The following RBFOX1 variants were observed in gnomAD, a reference collection of about 807,000 sequenced individuals.
The protein encoded by RBFOX1 is RNA binding fox-1 homolog 1, also known as RNA binding protein fox-1 homolog 1.
A neutral mutation model predicts 57.7 loss-of-function variants in RBFOX1; 8 were observed. The ratio of observed to expected loss-of-function variants is 0.14; its 90% CI spans 0.08 to 0.25. RBFOX1 has a LOEUF of 0.25. RBFOX1 is among the 10% of genes least tolerant of loss of function. RBFOX1 has a pLI of 1.00. For missense variants in RBFOX1, 611 were observed against 548.5 expected (o/e 1.11, Z -1.14); for synonymous variants, 326 against 222.4 (o/e 1.47, Z -4.15).
In RBFOX1 at chr16:6,145,427, C is replaced by T. The variant is rs546429562; in HGVS notation, c.-127+125435C>T. Among the ~76,000 whole-genome samples the T allele has an allele frequency of 2.6e-5, 4 of 151,970 alleles. No individual in the cohort carries two copies. In the South Asian group the frequency reaches 8.3e-4, roughly 32 times the overall value. On this transcript the variant is annotated intron_variant, in intron 1 of 15. Coordinates refer to ENST00000550418, the MANE Select transcript of RBFOX1 (RefSeq NM_018723.4). ...TATATGTACCATATTTTCTTTATTC[C>T]ATCTGTCATTGATGGGCATTTAGGT...
intron 4 of RBFOX1, among the ~76,000 whole-genome samples, chr16:7,408,102 C>G (rs2098377805): frequency 6.6e-6 from 1 of 152,168 alleles, no homozygotes; most frequent in Non-Finnish European, 1.5e-5. Flanking sequence ...GGTTGATTAA[C>G]CAGAACACAA....
chr16:6,938,042 C>G (rs1025108481), intron 3 of RBFOX1, among the ~76,000 whole-genome samples: 12 of 151,348 alleles, frequency 7.9e-5, no homozygotes, highest in African/African-American at 2.9e-4. Context: ...GAAATGGGAG[C>G]TAATTGTGAT....
intron 2 of RBFOX1, among the ~76,000 whole-genome samples, chr16:6,591,362 G>A (rs772321307): frequency 7.1e-4 from 108 of 152,176 alleles, no homozygotes; most frequent in Non-Finnish European, 2.8e-4. Context: ...GCTGAGGCAT[G>A]AGAATCACTT....
chr16:6,707,441 A>G (rs920541677), intron 3 of RBFOX1, among the ~76,000 whole-genome samples: 1 of 151,658 alleles, frequency 6.6e-6, no homozygotes, highest in Non-Finnish European at 1.5e-5. Flanking sequence ...TACATGTGGG[A>G]AAATGCTAGT....
At chr16:6,727,688 A>T (rs1248552318) in intron 3 of RBFOX1, among the ~76,000 whole-genome samples, 2 of 152,080 alleles carry the variant, frequency 1.3e-5, no homozygotes, top group African/African-American at 4.8e-5. Flanking sequence ...CTACTTACAA[A>T]TGTCCCTGGT....
intron 3 of RBFOX1, among the ~76,000 whole-genome samples, chr16:6,995,575 C>T (rs1596399781): frequency 6.6e-6 from 1 of 152,032 alleles, no homozygotes; most frequent in Non-Finnish European, 1.5e-5. Context: ...GCATGGGCAA[C>T]ACACTGAAAC....
intron 2 of RBFOX1, among the ~76,000 whole-genome samples, chr16:6,328,284 G>C (rs998651790): frequency 6.6e-6 from 1 of 152,102 alleles, no homozygotes; most frequent in Non-Finnish European, 1.5e-5. Context: ...GAGGGGAAAG[G>C]GTGGGAGGGG....
At chr16:7,252,397 G>C (rs961591463) in intron 4 of RBFOX1, among the ~76,000 whole-genome samples, 4 of 152,250 alleles carry the variant, frequency 2.6e-5, no homozygotes, top group African/African-American at 9.6e-5. Context: ...GGCTGGGGCA[G>C]AGGTCTTCAA....
intron 3 of RBFOX1, among the ~76,000 whole-genome samples, chr16:5,613,944 T>A (rs2047922227): frequency 6.6e-6 from 1 of 151,574 alleles, no homozygotes; most frequent in South Asian, 2.1e-4. Context: ...TTTTTTATCC[T>A]GATGCTGCCT....
intron 1 of RBFOX1, among the ~76,000 whole-genome samples, chr16:6,153,339 A>G (rs1437338317): frequency 1.3e-5 from 2 of 152,198 alleles, no homozygotes; most frequent in South Asian, 2.1e-4. Context: ...AAACAAAACC[A>G]TTTTGAATAT....
chr16:5,574,369 C>T (rs1466495309), intron 2 of RBFOX1, among the ~76,000 whole-genome samples: 1 of 152,198 alleles, frequency 6.6e-6, no homozygotes, highest in African/African-American at 2.4e-5. Context: ...GCCCGCCTTG[C>T]CACATCTCAA....
At chr16:6,649,490 C>G (rs58319565) in intron 2 of RBFOX1, among the ~76,000 whole-genome samples, 1 of 152,140 alleles carries the variant, frequency 6.6e-6, no homozygotes, top group African/African-American at 2.4e-5. Flanking sequence ...CCGTACCCAA[C>G]GTGTAATCTT....
chr16:7,284,162 T>C (rs1555666757), intron 4 of RBFOX1, among the ~76,000 whole-genome samples: 1 of 152,258 alleles, frequency 6.6e-6, no homozygotes, highest in Non-Finnish European at 1.5e-5. Flanking sequence ...AGATGCACTA[T>C]AGTTTATTCA....
rs1261609047 is a variant in RBFOX1, at chr16:5,828,776, G to A, written c.319-38527G>A. 2.6e-5 allele frequency among the ~76,000 whole-genome samples: 4 copies of A among 152,192 alleles called. No individual in the cohort carries two copies. In the East Asian group the frequency reaches 7.7e-4, roughly 29 times the overall value. Reference sequence around the variant, plus strand: ...CAGCAGAGGGTGGAGTGTGTGGAGTGCTGGGCAAGGAAGAGTATGGTGTGC... The same window carrying A: ...CAGCAGAGGGTGGAGTGTGTGGAGTACTGGGCAAGGAAGAGTATGGTGTGC... On this transcript the variant is annotated intron_variant, in intron 3 of 19. Transcript: ENST00000641259.
chr16:6,781,912 T>C (rs2081082114), intron 3 of RBFOX1, among the ~76,000 whole-genome samples: 1 of 152,194 alleles, frequency 6.6e-6, no homozygotes, highest in African/African-American at 2.4e-5. Context: ...TGCTCTGATC[T>C]TTAGTGTTTC....
At chr16:6,275,310 C>CA (rs35445600) in intron 1 of RBFOX1, among the ~76,000 whole-genome samples, 2 of 147,930 alleles carry the variant, frequency 1.4e-5, no homozygotes, top group Admixed American at 1.3e-4. Flanking sequence ...GACTCCATCT[C>CA]AAAAAAAAAA....
chr16:6,365,118 A>C (rs1201750385), intron 2 of RBFOX1, among the ~76,000 whole-genome samples: 1 of 152,172 alleles, frequency 6.6e-6, no homozygotes, highest in Non-Finnish European at 1.5e-5. Flanking sequence ...TGATAAAATT[A>C]GCTTTCCTCT....
rs565153324 is a variant in RBFOX1, at chr16:5,717,545, C to A, written c.318+118584C>A. 1.8e-4 allele frequency among the ~76,000 whole-genome samples: 28 copies of A among 152,196 alleles called. No individual in the cohort carries two copies. The South Asian group carries it at 5.6e-3, about 30-fold the overall frequency. ...TAGTCCCCAAAGTCCATTTTTCATTCTTATGCTTTTGTATCCTCATAGCTT... is the reference window on the plus strand; with the variant it reads ...TAGTCCCCAAAGTCCATTTTTCATTATTATGCTTTTGTATCCTCATAGCTT... On this transcript the variant is annotated intron_variant, in intron 3 of 19. Coordinates refer to the RBFOX1 transcript ENST00000641259.
intron 3 of RBFOX1, among the ~76,000 whole-genome samples, chr16:6,860,888 A>T (rs1419493365): frequency 6.6e-6 from 1 of 152,184 alleles, no homozygotes; most frequent in Admixed American, 6.5e-5. Flanking sequence ...TAGATATTCC[A>T]AAATATACAT....
Sources: gnomAD v4.1 joint callset for allele counts (sites outside exome capture counted in the v4.1 genomes callset) on GRCh38, gnomAD v4.1.1 for gene constraint, MANE v1.5 for transcripts, NCBI Gene and HGNC (gene_info 2026-07-23, HGNC 2026-07-21) for gene names.